ZNF169: variants seen among roughly 807,000 people sequenced by gnomAD.
ZNF169 encodes zinc finger protein 169.
Under a neutral mutation model 12.0 loss-of-function variants are expected in ZNF169, and 11 were observed. That is an observed-to-expected ratio of 0.92 (90% CI 0.58 to 1.52). The LOEUF (loss-of-function observed/expected upper bound fraction) is 1.52, where lower values mean the gene tolerates loss of function less well. ZNF169 is among the 40% of genes most tolerant of loss of function. The probability of loss-of-function intolerance (pLI) is 0.00; values close to 1 mark genes in which losing one functional copy is unlikely to be tolerated. For missense variants in ZNF169, 722 were observed against 744.0 expected (o/e 0.97, Z 0.34); for synonymous variants, 302 against 286.5 (o/e 1.05, Z -0.55).
rs879670187 is a variant in ZNF169, at chr9:94,300,903, C to T, written c.1345C>T (p.Gln449Ter). 26 of 1,613,864 alleles carry T rather than the reference C, an allele frequency of 1.6e-5. No individual in the cohort carries two copies. Among genetic ancestry groups the T allele is most frequent in the Non-Finnish European group, 2.1e-5 (25 of 1,179,934 alleles). ...FSQKVTLIGH[Q>*]RTHTGEKPYL... Reference sequence around the variant, plus strand: ...CCAGAAGGTCACCCTCATTGGACACCAGAGGACACACACAGGGGAGAAGCC... The same window carrying T: ...CCAGAAGGTCACCCTCATTGGACACTAGAGGACACACACAGGGGAGAAGCC... The change falls in exon 5 of 5, where the codon CAG becomes TAG. Residue 449 changes from glutamine (Q) to a stop codon, truncating the protein, a stop_gained. Transcript: ENST00000395395. LOFTEE classifies it low-confidence loss of function (END_TRUNC).
chr9:94,261,922 C>T lies in ZNF169; in HGVS notation c.-56+2577C>T, dbSNP rs1427620878. 2.0e-5 allele frequency among the ~76,000 whole-genome samples: 3 copies of T among 152,216 alleles called. No individual in the cohort carries two copies. The East Asian group carries it at 5.8e-4, about 29-fold the overall frequency. ...GGAATTTAAAGAAAAACAACTTCAG[C>T]ATTAATGATCATACCCAAGAAAATT... On this transcript the variant is annotated intron_variant, in intron 1 of 4. Transcript: ENST00000395395.
At chr9:94,284,571 AC>A (rs780279418) in intron 2 of ZNF169, among the ~76,000 whole-genome samples, 1 of 152,226 alleles carries the variant, frequency 6.6e-6, no homozygotes, top group Non-Finnish European at 1.5e-5. Flanking sequence ...TACAAAGTAA[AC>A]ACACAAAAAT....
chr9:94,282,947 C>T (rs765799598), intron 2 of ZNF169, among the ~76,000 whole-genome samples: 1 of 152,182 alleles, frequency 6.6e-6, no homozygotes, highest in Non-Finnish European at 1.5e-5. Context: ...ATGTTTTCAT[C>T]ACTGCTAAAA....
Position 94,270,817 on chromosome 9 carries a change from TA to T in ZNF169, c.-55-7938del, listed in dbSNP as rs1410799080. On this transcript the variant is annotated intron_variant, in intron 1 of 4. Coordinates refer to ENST00000395395, the MANE Select transcript of ZNF169 (RefSeq NM_194320.4). ...TAAATAATATATATATTATATTATA[TA>T]AATATATATAAAATATATATATTAT... Among the ~76,000 whole-genome samples the T allele has an allele frequency of 3.2e-3, 61 of 19,260 alleles. 4 individuals carry two copies. Among genetic ancestry groups the T allele is most frequent in the Middle Eastern group, 0.05 (1 of 20 alleles). 12.6% of individuals were successfully genotyped at this position (19,260 alleles called of 152,430 possible).
chr9:94,261,773 T>TCTGA (rs1830212630), intron 1 of ZNF169, among the ~76,000 whole-genome samples: 1 of 152,208 alleles, frequency 6.6e-6, no homozygotes. Flanking sequence ...ATGACACTTC[T>TCTGA]CTGATGTAGT....
At chr9:94,281,634 C>T (rs529542952) in intron 2 of ZNF169, among the ~76,000 whole-genome samples, 7 of 152,142 alleles carry the variant, frequency 4.6e-5, no homozygotes, top group Non-Finnish European at 8.8e-5. Flanking sequence ...ATGTGCCCAA[C>T]GTGGTCAGTG....
Position 94,285,319 on chromosome 9 carries a change from G to A in ZNF169, c.33+6474G>A, listed in dbSNP as rs1260731700. Among the ~76,000 whole-genome samples, 13 of 152,174 alleles carry A rather than the reference G, an allele frequency of 8.5e-5. No homozygotes were observed. The South Asian group carries it at 1.7e-3, about 19-fold the overall frequency. ...GGGATAGACTTACCAGTATATTAGC[G>A]GTAACAAAGAAATGAGTGAACTAGA... On this transcript the variant is annotated intron_variant, in intron 2 of 4. Transcript: ENST00000395395.
intron 1 of ZNF169, among the ~76,000 whole-genome samples, chr9:94,268,517 C>T (rs1264834386): frequency 6.6e-6 from 1 of 152,020 alleles, no homozygotes; most frequent in Non-Finnish European, 1.5e-5. Context: ...TGGCCTGGCA[C>T]AGTGTCTCAC....
At chr9:94,267,457 A>T (rs1830314236) in intron 1 of ZNF169, among the ~76,000 whole-genome samples, 1 of 152,216 alleles carries the variant, frequency 6.6e-6, no homozygotes, top group Admixed American at 6.5e-5. Flanking sequence ...TTCTTATTGC[A>T]CTTATGCAAA....
chr9:94,273,680 C>T (rs1037753937), intron 1 of ZNF169, among the ~76,000 whole-genome samples: 2 of 150,040 alleles, frequency 1.3e-5, no homozygotes, highest in African/African-American at 2.4e-5. Context: ...CCCGGGTTCA[C>T]GCCATTCTCC....
At chr9:94,293,094 G>A (rs1328305) in intron 4 of ZNF169, 25 bp downstream of exon 4, 83,308 of 1,595,930 alleles carry the variant, frequency 0.052, 7,807 homozygotes, top group East Asian at 0.36. Context: ...CTGGGCAAGC[G>A]AGGGTGCAGG....
rs1272808094 is a variant in ZNF169 at position 94,262,331 on chromosome 9, G to GAT, written c.-56+2986_-56+2987insAT. 8.1e-4 allele frequency among the ~76,000 whole-genome samples: 124 copies of GAT among 152,334 alleles called. 2 individuals carry two copies. Among genetic ancestry groups the GAT allele is most frequent in the Admixed American group, 3.5e-3 (53 of 15,304 alleles). On this transcript the variant is annotated intron_variant, in intron 1 of 4. Coordinates refer to ENST00000395395, the MANE Select transcript of ZNF169 (RefSeq NM_194320.4). Reference sequence around the variant, plus strand: ...GAGGATAGAAACTCAGATGGGAAAAGGGGGTTAGGCTATTACTGGGGAAAG... The same window carrying GAT: ...GAGGATAGAAACTCAGATGGGAAAAGATGGGGTTAGGCTATTACTGGGGAAAG...
intron 2 of ZNF169, among the ~76,000 whole-genome samples, chr9:94,288,917 A>G (rs1421870397): frequency 6.6e-6 from 1 of 152,208 alleles, no homozygotes. Flanking sequence ...GGTAAGGAAG[A>G]CATACAGGGT....
rs201278013 is a variant in ZNF169 at position 94,292,436 on chromosome 9, G to A, written c.129G>A (p.Met43Ile). 12 of 1,614,104 alleles carry A rather than the reference G, an allele frequency of 7.4e-6. No individual in the cohort carries two copies. In the African/African-American group the frequency reaches 1.3e-4, roughly 18 times the overall value. Residue 43 changes from methionine (M) to isoleucine (I), a missense_variant, in exon 3 of 5, where the codon ATG becomes ATA. Met to Ile is a conservative substitution (Grantham distance 10). Coordinates refer to ENST00000395395, the MANE Select transcript of ZNF169 (RefSeq NM_194320.4). ...SAQRTLYREV[M>I]LENYSHLVSL... Reference sequence around the variant, plus strand: ...AGAGGACCCTGTACAGGGAGGTGATGCTGGAGAACTACAGCCATCTGGTCT... The same window carrying A: ...AGAGGACCCTGTACAGGGAGGTGATACTGGAGAACTACAGCCATCTGGTCT...
At chr9:94,272,166 C>T (rs1490801713) in intron 1 of ZNF169, among the ~76,000 whole-genome samples, 1 of 151,746 alleles carries the variant, frequency 6.6e-6, no homozygotes, top group Non-Finnish European at 1.5e-5. Flanking sequence ...ACAATGTTTC[C>T]TCTTTCATTC....
intron 4 of ZNF169, among the ~76,000 whole-genome samples, chr9:94,297,445 T>G (rs1422196662): frequency 1.3e-5 from 2 of 152,242 alleles, no homozygotes; most frequent in Non-Finnish European, 2.9e-5. Context: ...AATGGATTTA[T>G]GTATAGTGAT....
intron 1 of ZNF169, among the ~76,000 whole-genome samples, chr9:94,269,719 C>T (rs912211403): frequency 3.9e-5 from 6 of 152,134 alleles, no homozygotes; most frequent in Admixed American, 1.3e-4. Flanking sequence ...AAATTATCAC[C>T]AGACCAACTC....
At chr9:94,292,934 C>T in intron 3 of ZNF169, 40 bp from the exon 4 acceptor site, 1 of 1,555,402 alleles carries the variant, frequency 6.4e-7, no homozygotes, top group Non-Finnish European at 8.8e-7. Context: ...TCTTAAGCCA[C>T]TAACTCAAGA....
intron 1 of ZNF169, among the ~76,000 whole-genome samples, chr9:94,277,911 C>T (rs7045405): frequency 0.19 from 28,695 of 148,166 alleles, 3,084 homozygotes; most frequent in East Asian, 0.38. Context: ...CCGCCTGGGC[C>T]ACAGAGCGAG....
Sources: allele counts gnomAD v4.1 joint callset (sites outside exome capture counted in the v4.1 genomes callset), GRCh38; gene constraint gnomAD v4.1.1; transcripts MANE v1.5; gene names NCBI Gene and HGNC (gene_info 2026-07-23, HGNC 2026-07-21).